The following APOBEC3D variants were observed in gnomAD, a reference collection of about 807,000 sequenced individuals.
The protein encoded by APOBEC3D is apolipoprotein B mRNA editing enzyme catalytic subunit 3D, also known as DNA dC->dU-editing enzyme APOBEC-3D.
In APOBEC3D, 37 loss-of-function variants were observed where a neutral mutation model predicts 45.6. The ratio of observed to expected loss-of-function variants is 0.81; its 90% CI spans 0.62 to 1.07. APOBEC3D has a LOEUF of 1.07. Ranked by LOEUF, APOBEC3D falls within the 50% of genes least tolerant of loss-of-function variation. The pLI is 0.00. For missense variants in APOBEC3D, 496 were observed against 495.3 expected (o/e 1.00, Z -0.01); for synonymous variants, 175 against 180.7 (o/e 0.97, Z 0.25).
Position 39,021,527 on chromosome 22 carries a change from C to T in APOBEC3D, c.8C>T (p.Pro3Leu). 1.2e-6 allele frequency: 2 copies of T among 1,614,134 alleles called. No homozygotes were observed. The highest frequency in any genetic ancestry group is 1.7e-6 in the Non-Finnish European group (2 of 1,180,022). Residue 3 changes from proline (P) to leucine (L), a missense_variant, in exon 1 of 7, where the codon CCA becomes CTA. By Grantham distance (98) the Pro-to-Leu change is moderately conservative. Transcript: ENST00000216099. MN[P>L]QIRNPMERMY... ...GTATCTAAGAGGCTGAACATGAATC[C>T]ACAGATCAGGTACCGCTGCCCACTA... is the stretch of plus-strand genomic sequence containing the variant.
In APOBEC3D at chr22:39,025,107, T is replaced by G. The variant is rs201748259; in HGVS notation, c.248T>G (p.Phe83Cys). The change falls in exon 3 of 7, where the codon TTC (phenylalanine) becomes TGC (cysteine). Residue 83 changes from phenylalanine (F) to cysteine (C), a missense_variant. By Grantham distance (205) the Phe-to-Cys change is radical. Coordinates refer to ENST00000216099, the MANE Select transcript of APOBEC3D (RefSeq NM_152426.4). ...TTTGAGAACCACGCAGAAATGTGCT[T>G]CTTATCTTGGTTCTGTGGCAACCGA... is the stretch of plus-strand genomic sequence containing the variant. ...FRFENHAEMC[F>C]LSWFCGNRLP... 311 of 1,599,474 alleles carry G rather than the reference T, an allele frequency of 1.9e-4. No individual in the cohort carries two copies. The highest frequency in any genetic ancestry group is 2.6e-4 in the Non-Finnish European group (301 of 1,168,440).
Position 39,032,568 on chromosome 22 carries a change from A to G in APOBEC3D, c.*252A>G, listed in dbSNP as rs1046040290. ...GGGTGCCCCTAACTTGACTCTTCCC[A>G]TCTCCCCAGCATAACCAAATCTTTT... is the stretch of plus-strand genomic sequence containing the variant. On this transcript the variant is annotated 3_prime_UTR_variant, in exon 7 of 7. Transcript: ENST00000216099. The G allele has an allele frequency of 3.4e-6, 4 of 1,171,526 alleles. No individual in the cohort carries two copies. In the African/African-American group the frequency reaches 5.1e-5, roughly 15 times the overall value. 72.6% of individuals were successfully genotyped at this position (1,171,526 alleles called of 1,614,324 possible).
rs1485144113 is a variant in APOBEC3D, at chr22:39,029,243, A to G, written c.606-120A>G. 8 of 1,139,600 alleles carry G rather than the reference A, an allele frequency of 7.0e-6. 1 individual carries two copies. In the South Asian group the frequency reaches 1.1e-4, roughly 15 times the overall value. 70.6% of individuals were successfully genotyped at this position (1,139,600 alleles called of 1,614,324 possible). A position where few individuals can be genotyped will look rare whatever the true frequency, so the allele number is the denominator to read the frequency against. ...CTTCCTGCCTGGGAAAGCAGCAGAC[A>G]TTCCCAGGGCTGTGGAGGGATGGGA... is the stretch of plus-strand genomic sequence containing the variant. On this transcript the variant is annotated intron_variant, in intron 4 of 6. Coordinates refer to ENST00000216099, the MANE Select transcript of APOBEC3D (RefSeq NM_152426.4).
In APOBEC3D at chr22:39,023,133, T is replaced by A. The variant is rs1925291837; in HGVS notation, c.210+119T>A. ...TATTTATTTATTTATTTATTTATTT[T>A]GAGACAGAGTCTCCATCTGTCGCCC... On this transcript the variant is annotated intron_variant, in intron 2 of 6. Transcript: ENST00000216099. 3 of 365,856 alleles carry A rather than the reference T, an allele frequency of 8.2e-6. No homozygotes were observed. The East Asian group carries it at 4.1e-4, about 50-fold the overall frequency. The allele number at this position is 365,856 out of a possible 1,614,324, so 22.7% of individuals were successfully genotyped here.
At chr22:39,025,908 C>T (rs1028580228) in intron 4 of APOBEC3D, among the ~76,000 whole-genome samples, 1 of 152,172 alleles carries the variant, frequency 6.6e-6, no homozygotes, top group African/African-American at 2.4e-5. Context: ...CTCCATCCAC[C>T]CCCGAGGCTG....
At chr22:39,021,668 C>T in intron 1 of APOBEC3D, 132 bp downstream of exon 1, 2 of 1,292,776 alleles carry the variant, frequency 1.5e-6, no homozygotes, top group Non-Finnish European at 2.2e-6. Context: ...TCCCTGCCGC[C>T]CCCACTCCCA....
intron 5 of APOBEC3D, among the ~76,000 whole-genome samples, chr22:39,030,573 A>C (rs1926110520): frequency 6.6e-6 from 1 of 152,154 alleles, no homozygotes; most frequent in Non-Finnish European, 1.5e-5. Context: ...GTCTATTCTC[A>C]CAATGAGATT....
At chr22:39,030,042 T>C (rs927152937) in intron 5 of APOBEC3D, among the ~76,000 whole-genome samples, 3 of 150,804 alleles carry the variant, frequency 2.0e-5, no homozygotes, top group Non-Finnish European at 4.4e-5. Context: ...TGACTTTGTT[T>C]CCCAAAATCT....
chr22:39,025,014 C>G (rs1316258866), intron 2 of APOBEC3D, 56 bp from the exon 3 acceptor site: 12 of 1,150,646 alleles, frequency 1.0e-5, no homozygotes, highest in South Asian at 3.2e-5. Context: ...TGCCCCACCC[C>G]GCACCCCTCC....
rs191086739 is a variant in APOBEC3D at position 39,025,362 on chromosome 22, G to A, written c.490+13G>A. The A allele has an allele frequency of 1.9e-6, 3 of 1,613,018 alleles. No individual in the cohort carries two copies. In the East Asian group the frequency reaches 6.7e-5, roughly 36 times the overall value. On this transcript the variant is annotated intron_variant, in intron 3 of 6. Coordinates refer to ENST00000216099, the MANE Select transcript of APOBEC3D (RefSeq NM_152426.4). ...ATGGACTATGAAGGTGAGAGGTGCA[G>A]GGGTCAGGGGAGCATGACGGGGAGG...
intron 2 of APOBEC3D, among the ~76,000 whole-genome samples, chr22:39,023,631 T>A (rs1054171241): frequency 6.6e-6 from 1 of 151,968 alleles, no homozygotes; most frequent in Non-Finnish European, 1.5e-5. Context: ...GTATTTTTAA[T>A]AGAGAAGGGA....
At position 39,025,159 on chromosome 22, in the gene APOBEC3D, C is replaced by A. The variant is rs1925506207; in HGVS notation, c.300C>A (p.Ile100=). ...TGCCTGCTAACAGGCGCTTCCAGAT[C>A]ACCTGGTTTGTATCATGGAACCCCT... ...NRLPANRRFQ[I]TWFVSWNPCL... is the part of the protein sequence containing the mutation. The change falls in exon 3 of 7, where the codon ATC becomes ATA. Residue 100 remains isoleucine, a synonymous_variant. Coordinates refer to ENST00000216099, the MANE Select transcript of APOBEC3D (RefSeq NM_152426.4). 7 of 1,613,882 alleles carry A rather than the reference C, an allele frequency of 4.3e-6. No individual in the cohort carries two copies. Among genetic ancestry groups the A allele is most frequent in the Non-Finnish European group, 5.1e-6 (6 of 1,179,928 alleles).
intron 4 of APOBEC3D, among the ~76,000 whole-genome samples, chr22:39,027,730 C>T (rs996333174): frequency 6.6e-5 from 10 of 152,170 alleles, no homozygotes; most frequent in African/African-American, 2.4e-4. Flanking sequence ...TGGCCTCCCC[C>T]TGCCCCAGCC....
At position 39,033,204 on chromosome 22, in the gene APOBEC3D, A is replaced by T. The variant is rs8139110; in HGVS notation, c.*888A>T. 1.1e-6 allele frequency: 1 copy of T among 947,854 alleles called. No individual in the cohort carries two copies. 58.7% of individuals were successfully genotyped at this position (947,854 alleles called of 1,614,324 possible). The stretch of plus-strand genomic sequence containing the variant: ...AGAACTCCAGTTTGAGCAACAGATC[A>T]AGACCCTGCCTGAAAATAAATCAAT... On this transcript the variant is annotated 3_prime_UTR_variant, in exon 7 of 7. Transcript: ENST00000216099.
chr22:39,022,946 C>A lies in APOBEC3D; in HGVS notation c.142C>A (p.Leu48Ile), dbSNP rs557872721. ...GAAAATAAAGAGGGGCCGCTCAAAT[C>A]TCCTTTGGGACACAGGGGTCTTTCG... is the stretch of plus-strand genomic sequence containing the variant. ...EVKIKRGRSN[L>I]LWDTGVFRGP... The change falls in exon 2 of 7, where the codon CTC (leucine) becomes ATC (isoleucine). Residue 48 changes from leucine (L) to isoleucine (I), a missense_variant. Physicochemically the swap from Leu to Ile is conservative, Grantham distance 5 (BLOSUM62 2). Coordinates refer to ENST00000216099, the MANE Select transcript of APOBEC3D (RefSeq NM_152426.4). The A allele has an allele frequency of 6.2e-7, 1 of 1,613,994 alleles. No individual in the cohort carries two copies. The highest frequency in any genetic ancestry group is 1.1e-5 in the South Asian group (1 of 91,060).
chr22:39,031,670 G>T, intron 5 of APOBEC3D, 24 bp from the exon 6 acceptor site: 2 of 1,610,328 alleles, frequency 1.2e-6, no homozygotes, highest in Non-Finnish European at 8.5e-7. Flanking sequence ...AGCTCCCCCT[G>T]CCCTCCTCCT....
At position 39,032,900 on chromosome 22, in the gene APOBEC3D, C is replaced by G. The variant is rs1270140271; in HGVS notation, c.*584C>G. The G allele has an allele frequency of 6.6e-6, 1 of 152,426 alleles. No individual in the cohort carries two copies. The highest frequency in any genetic ancestry group is 1.4e-5 in the Non-Finnish European group (1 of 69,018). 9.4% of individuals were successfully genotyped at this position (152,426 alleles called of 1,614,324 possible). On this transcript the variant is annotated 3_prime_UTR_variant, in exon 7 of 7. Transcript: ENST00000216099. ...AAAGTGCTGGGATTACGGGCGTGAG[C>G]CACCCGGCTCGGCCGCACAACCAAA... is the stretch of plus-strand genomic sequence containing the variant.
At chr22:39,029,644 T>TC (rs1199836788) in intron 5 of APOBEC3D, 125 bp downstream of exon 5, 18 of 1,173,352 alleles carry the variant, frequency 1.5e-5, no homozygotes, top group East Asian at 2.7e-5. Context: ...TTTCTTTCTT[T>TC]TTTTTTTTTT....
At chr22:39,026,486 C>G (rs1313463706) in intron 4 of APOBEC3D, among the ~76,000 whole-genome samples, 1 of 152,168 alleles carries the variant, frequency 6.6e-6, no homozygotes, top group East Asian at 1.9e-4. Flanking sequence ...AGGGAAGATA[C>G]AATTTAGCCC....
Sources: allele counts gnomAD v4.1 joint callset (sites outside exome capture counted in the v4.1 genomes callset), GRCh38; gene constraint gnomAD v4.1.1; transcripts MANE v1.5; gene names NCBI Gene and HGNC (gene_info 2026-07-23, HGNC 2026-07-21).